Variants in AMOT observed in about 807,000 individuals in gnomAD.
AMOT encodes angiomotin.
In AMOT, 11 loss-of-function variants were observed where a neutral mutation model predicts 67.0. The observed-to-expected ratio is 0.16, with a 90% CI of 0.10 to 0.27. The LOEUF (loss-of-function observed/expected upper bound fraction) is 0.27. Among genes scored for constraint, AMOT ranks in the 10% least tolerant of loss-of-function variants. The probability of loss-of-function intolerance (pLI) is 1.00; values close to 1 mark genes in which losing one functional copy is unlikely to be tolerated. For missense variants in AMOT, 753 were observed against 852.0 expected (o/e 0.88, Z 1.45); for synonymous variants, 326 against 321.4 (o/e 1.01, Z -0.15).
intron 13 of AMOT, 143 bp downstream of exon 13, chrX:112,778,854 T>C: frequency 1.3e-6 from 1 of 744,370 alleles, no homozygotes; most frequent in Non-Finnish European, 2.0e-6. Context: ...TGAGAAGTCA[T>C]TTACAGACTC....
intron 3 of AMOT, among the ~76,000 whole-genome samples, chrX:112,824,210 T>G (rs1934784757): frequency 8.9e-6 from 1 of 112,412 alleles, no homozygotes; most frequent in Non-Finnish European, 1.9e-5. Context: ...CAGCACTGTA[T>G]AGTACACACT....
chrX:112,782,809 G>T, intron 10 of AMOT, 147 bp from the exon 11 acceptor site: 3 of 728,051 alleles, frequency 4.1e-6, no homozygotes, highest in Non-Finnish European at 5.9e-6. Flanking sequence ...GAACTAACCC[G>T]TAAGAGCCTC....
intron 8 of AMOT, among the ~76,000 whole-genome samples, chrX:112,803,953 T>A (rs1230448129): frequency 8.9e-6 from 1 of 111,801 alleles, no homozygotes; most frequent in South Asian, 3.8e-4. Flanking sequence ...CACTCTAGCA[T>A]CAATTTTTGC....
intron 4 of AMOT, among the ~76,000 whole-genome samples, chrX:112,821,645 CA>C (rs111969107): frequency 3.6e-5 from 4 of 110,732 alleles, no homozygotes; most frequent in Non-Finnish European, 5.7e-5. Context: ...AAATTCTCTA[CA>C]AAAAAAAGAT....
At chrX:112,805,729 G>C (rs1934158893) in intron 7 of AMOT, among the ~76,000 whole-genome samples, 1 of 111,459 alleles carries the variant, frequency 9.0e-6, no homozygotes, top group Admixed American at 9.6e-5. Flanking sequence ...GGAATCCAAT[G>C]TCTTTTAAAA....
chrX:112,809,824 A>C (rs1934299851), intron 7 of AMOT, 70 bp downstream of exon 7: 5 of 906,206 alleles, frequency 5.5e-6, no homozygotes, highest in Non-Finnish European at 6.4e-6. Flanking sequence ...TAAAGAGAAC[A>C]GTGTAATCTT....
At chrX:112,809,812 G>T in intron 7 of AMOT, 82 bp downstream of exon 7, 1 of 840,919 alleles carries the variant, frequency 1.2e-6, no homozygotes, top group Non-Finnish European at 1.8e-6. Flanking sequence ...GTTCTAAAAG[G>T]CTAAAGAGAA....
rs1933228901 is a variant in AMOT, at chrX:112,782,617, T to G, written c.2163A>C (p.Thr721=). The part of the protein sequence containing the change: ...ISHSPNTSYD[T]ALEARIQKEE... ...CTTTCTGGATGCGAGCTTCTAGAGC[T>G]GTGTCATAGCTGGTGTTAGGAGAGT... The change falls in exon 11 of 14, where the codon ACA becomes ACC. Residue 721 remains threonine (T), a synonymous_variant. Transcript: ENST00000371959. 8.3e-7 allele frequency: 1 copy of G among 1,209,533 alleles called. No individual in the cohort carries two copies. The highest frequency in any genetic ancestry group is 1.7e-5 in the African/African-American group (1 of 57,158).
chrX:112,789,000 C>T (rs1933478462), intron 10 of AMOT, among the ~76,000 whole-genome samples: 2 of 111,874 alleles, frequency 1.8e-5, no homozygotes, highest in Non-Finnish European at 3.8e-5. Context: ...ACAAGGCCCC[C>T]AAGTGACAAC....
rs1719004374 is a variant in AMOT, at chrX:112,810,066, T to C, written c.1538-80A>G. On this transcript the variant is annotated intron_variant, in intron 6 of 13. Transcript: ENST00000371959. ...ACTATTGGCCCTCTAAATACTGACC[T>C]TTGGTAAAACAAGCCTGTTTCTTCT... The C allele has an allele frequency of 6.2e-6, 5 of 808,644 alleles. No individual in the cohort carries two copies. The South Asian group carries it at 1.2e-4, about 20-fold the overall frequency. 66.6% of individuals were successfully genotyped at this position (808,644 alleles called of 1,213,427 possible). A position where few individuals can be genotyped will look rare whatever the true frequency, so the allele number is the denominator to read the frequency against.
At chrX:112,783,196 G>T in intron 10 of AMOT, among the ~76,000 whole-genome samples, 1 of 108,607 alleles carries the variant, frequency 9.2e-6, no homozygotes, top group South Asian at 4.2e-4. Context: ...CTGGGAGGTT[G>T]AGGCAGGAGA....
chrX:112,830,753 C>T (rs1403696258), intron 2 of AMOT, among the ~76,000 whole-genome samples: 1 of 111,879 alleles, frequency 8.9e-6, no homozygotes, highest in Admixed American at 9.5e-5. Flanking sequence ...CAAATTGCCA[C>T]CCAGCCAAGA....
At chrX:112,797,087 T>C (rs899918846) in intron 8 of AMOT, among the ~76,000 whole-genome samples, 3 of 111,844 alleles carry the variant, frequency 2.7e-5, no homozygotes, top group African/African-American at 9.8e-5. Flanking sequence ...GACTATAAGA[T>C]TTCTCACTCT....
chrX:112,799,484 A>G (rs1348413463), intron 8 of AMOT, among the ~76,000 whole-genome samples: 5 of 111,943 alleles, frequency 4.5e-5, no homozygotes, highest in Admixed American at 2.8e-4. Context: ...ACACTCTTAT[A>G]CAAATGTCAC....
rs761417845 is a variant in AMOT at position 112,823,978 on chromosome X, T to C, written c.-62-790A>G. On this transcript the variant is annotated intron_variant, in intron 3 of 13. Coordinates refer to ENST00000371959, the MANE Select transcript of AMOT (RefSeq NM_001113490.2). ...GACAAAATTTAGAAATTGAAAAATA[T>C]AAAGATCATCCTTCTGGAAAGGGTA... 4.5e-5 allele frequency among the ~76,000 whole-genome samples: 5 copies of C among 112,067 alleles called. No individual in the cohort carries two copies. In the South Asian group the frequency reaches 1.9e-3, roughly 42 times the overall value.
At chrX:112,801,771 T>A (rs1353625802) in intron 8 of AMOT, among the ~76,000 whole-genome samples, 2 of 112,492 alleles carry the variant, frequency 1.8e-5, no homozygotes, top group African/African-American at 6.5e-5. Context: ...ATTAAAGTAG[T>A]CATAACCTTT....
At chrX:112,796,800 G>A (rs1281573968) in intron 8 of AMOT, among the ~76,000 whole-genome samples, 1 of 111,502 alleles carries the variant, frequency 9.0e-6, no homozygotes, top group East Asian at 2.8e-4. Flanking sequence ...ACTATCCAGG[G>A]GACATTTTAG....
At position 112,836,732 on chromosome X, in the gene AMOT, C is replaced by CT. The variant is rs1274908572; in HGVS notation, c.-289+3719dup. Among the ~76,000 whole-genome samples, 5 of 108,441 alleles carry CT rather than the reference C, an allele frequency of 4.6e-5. No homozygotes were observed. In the East Asian group the frequency reaches 1.4e-3, roughly 31 times the overall value. 94.2% of individuals were successfully genotyped at this position (108,441 alleles called of 115,157 possible). A position where few individuals can be genotyped will look rare whatever the true frequency, so the allele number is the denominator to read the frequency against. ...ATATATCCTTACAGGATCTTTTTTTCTTTAACATGATGACTAGATGATTGA... is the reference window on the plus strand; with the variant it reads ...ATATATCCTTACAGGATCTTTTTTTCTTTTAACATGATGACTAGATGATTGA... On this transcript the variant is annotated intron_variant, in intron 1 of 13. Transcript: ENST00000371959.
At chrX:112,799,993 G>A (rs775847927) in intron 8 of AMOT, among the ~76,000 whole-genome samples, 15 of 111,709 alleles carry the variant, frequency 1.3e-4, no homozygotes, top group Non-Finnish European at 2.4e-4. Context: ...AGCACTTTGG[G>A]AGGCCGAGGC....
Sources: gnomAD v4.1 joint callset for allele counts (sites outside exome capture counted in the v4.1 genomes callset) on GRCh38, gnomAD v4.1.1 for gene constraint, MANE v1.5 for transcripts, NCBI Gene and HGNC (gene_info 2026-07-23, HGNC 2026-07-21) for gene names.